SLC24A2: variants seen among roughly 807,000 people sequenced by gnomAD.
The protein encoded by SLC24A2 is sodium/potassium/calcium exchanger 2.
SLC24A2 carries 36 observed loss-of-function variants against 62.0 expected under a neutral mutation model. The ratio of observed to expected loss-of-function variants is 0.58; its 90% CI spans 0.44 to 0.77. The LOEUF is 0.77. Among genes scored for constraint, SLC24A2 ranks in the 30% least tolerant of loss-of-function variants. The pLI is 0.00. For synonymous variants in SLC24A2, 358 were observed against 294.0 expected (o/e 1.22, Z -2.23); for missense variants, 846 against 817.9 (o/e 1.03, Z -0.42).
chr9:20,183,309 T>C, the SLC24A2 span, among the ~76,000 whole-genome samples: 1 of 152,222 alleles, frequency 6.6e-6, no homozygotes, highest in South Asian at 2.1e-4. Context: ...CTATTTTGTA[T>C]TATGGATCAT....
chr9:19,824,392 T>C, the SLC24A2 span, among the ~76,000 whole-genome samples: 1 of 152,084 alleles, frequency 6.6e-6, no homozygotes, highest in East Asian at 1.9e-4. Context: ...AAGAAGACAT[T>C]TATGCAGCCA....
At chr9:19,595,870 T>G (rs1836691037) in intron 5 of SLC24A2, among the ~76,000 whole-genome samples, 1 of 152,120 alleles carries the variant, frequency 6.6e-6, no homozygotes, top group African/African-American at 2.4e-5. Flanking sequence ...AATAAAATAA[T>G]AACTGGGACA....
chr9:19,792,599 T>C (rs1823332540), upstream of SLC24A2, among the ~76,000 whole-genome samples: 1 of 149,652 alleles, frequency 6.7e-6, no homozygotes, highest in Admixed American at 6.6e-5. Flanking sequence ...TCCCAGCTAC[T>C]TGGGAGGTTG....
intron 2 of SLC24A2, among the ~76,000 whole-genome samples, chr9:19,763,665 C>A (rs961402457): frequency 1.5e-4 from 23 of 152,162 alleles, no homozygotes; most frequent in African/African-American, 4.8e-4. Flanking sequence ...ATGAAGCTGA[C>A]TTGATCATGG....
chr9:20,156,745 T>TA, the SLC24A2 span, among the ~76,000 whole-genome samples: 1 of 151,812 alleles, frequency 6.6e-6, no homozygotes. Context: ...GTCTAGAGTT[T>TA]ATCTGTGTAT....
At chr9:20,307,776 G>A in the SLC24A2 span, among the ~76,000 whole-genome samples, 3 of 152,094 alleles carry the variant, frequency 2.0e-5, no homozygotes, top group Non-Finnish European at 4.4e-5. Flanking sequence ...TCCGGGACTC[G>A]GTCCCTGACC....
the SLC24A2 span, among the ~76,000 whole-genome samples, chr9:20,079,239 C>T: frequency 6.6e-6 from 1 of 152,088 alleles, no homozygotes; most frequent in East Asian, 1.9e-4. Flanking sequence ...GGACTTCCGG[C>T]CTTCAGAACT....
chr9:19,707,704 AC>A (rs1294366437), intron 2 of SLC24A2, among the ~76,000 whole-genome samples: 13 of 152,090 alleles, frequency 8.5e-5, no homozygotes, highest in Admixed American at 5.2e-4. Flanking sequence ...AAATTCAACA[AC>A]CCTTCATGCT....
the SLC24A2 span, among the ~76,000 whole-genome samples, chr9:19,834,599 T>C: frequency 6.6e-6 from 1 of 152,152 alleles, no homozygotes; most frequent in East Asian, 1.9e-4. Flanking sequence ...CTATGTCTGA[T>C]TGGTGTACCT....
the SLC24A2 span, among the ~76,000 whole-genome samples, chr9:20,126,822 G>C: frequency 1.3e-5 from 2 of 152,070 alleles, no homozygotes; most frequent in South Asian, 2.1e-4. Context: ...GTGTAGGAGA[G>C]GGGGAGAATG....
the SLC24A2 span, among the ~76,000 whole-genome samples, chr9:20,299,000 G>A: frequency 6.6e-6 from 1 of 152,164 alleles, no homozygotes; most frequent in African/African-American, 2.4e-5. Context: ...CTGAGAGATG[G>A]TTTGGGGGTC....
the SLC24A2 span, among the ~76,000 whole-genome samples, chr9:20,022,000 C>G: frequency 6.6e-6 from 1 of 152,182 alleles, no homozygotes; most frequent in South Asian, 2.1e-4. Context: ...TTACCTGTTT[C>G]TTCCAATGCC....
chr9:19,778,203 G>T (rs7864790), intron 2 of SLC24A2, among the ~76,000 whole-genome samples: 75,870 of 151,982 alleles, frequency 0.5, 19,345 homozygotes, highest in East Asian at 0.77. Context: ...TATTACACTT[G>T]AAATATATTT....
At chr9:20,080,321 C>T in the SLC24A2 span, among the ~76,000 whole-genome samples, 11 of 152,186 alleles carry the variant, frequency 7.2e-5, no homozygotes, top group South Asian at 4.2e-4. Context: ...GAAATAATGC[C>T]GCATATCTGC....
the SLC24A2 span, among the ~76,000 whole-genome samples, chr9:19,818,044 G>C: frequency 6.6e-6 from 1 of 152,162 alleles, no homozygotes; most frequent in Admixed American, 6.5e-5. Context: ...CACCACACTA[G>C]CCTATAACGT....
chr9:20,008,983 C>T, the SLC24A2 span, among the ~76,000 whole-genome samples: 7 of 152,132 alleles, frequency 4.6e-5, no homozygotes, highest in South Asian at 2.1e-4. Context: ...GCTGAGACAC[C>T]CCCTTAGACT....
At chr9:20,079,950 C>A in the SLC24A2 span, among the ~76,000 whole-genome samples, 1 of 152,132 alleles carries the variant, frequency 6.6e-6, no homozygotes, top group Admixed American at 6.5e-5. Context: ...AGGAGAATTA[C>A]AAACCACTGC....
intron 2 of SLC24A2, among the ~76,000 whole-genome samples, chr9:19,636,385 T>TC (rs1564010039): frequency 5.9e-4 from 15 of 25,372 alleles, no homozygotes; most frequent in East Asian, 1.8e-3. Flanking sequence ...CTTTCTTTCT[T>TC]TCTCCCTCTC....
the SLC24A2 span, among the ~76,000 whole-genome samples, chr9:19,831,215 G>A: frequency 1.3e-5 from 2 of 152,174 alleles, no homozygotes; most frequent in African/African-American, 2.4e-5. Flanking sequence ...ATCATTCCAA[G>A]CATAGCACTG....
Sources: allele counts gnomAD v4.1 joint callset (sites outside exome capture counted in the v4.1 genomes callset), GRCh38; gene constraint gnomAD v4.1.1; transcripts MANE v1.5; gene names NCBI Gene and HGNC (gene_info 2026-07-23, HGNC 2026-07-21).